GRK4: variants seen among roughly 807,000 people sequenced by gnomAD.
GRK4 encodes G protein-coupled receptor kinase 2-like.
In GRK4, 73 loss-of-function variants were observed where a neutral mutation model predicts 77.9. The observed-to-expected ratio is 0.94, with a 90% confidence interval of 0.78 to 1.14. The LOEUF (loss-of-function observed/expected upper bound fraction) is 1.14, where lower values mean the gene tolerates loss of function less well. Among genes scored for constraint, GRK4 ranks in the 50% most tolerant of loss-of-function variants. GRK4 has a pLI of 0.00. For synonymous variants in GRK4, 257 were observed against 254.4 expected (o/e 1.01, Z -0.10); for missense variants, 729 against 700.2 (o/e 1.04, Z -0.46).
intron 10 of GRK4, 79 bp from the exon 11 acceptor site, chr4:3,027,833 C>A (rs1232911048): frequency 2.7e-6 from 3 of 1,127,260 alleles, no homozygotes; most frequent in South Asian, 1.3e-5. Context: ...TTTTGAGGGG[C>A]CTTTTTTCCC....
intron 9 of GRK4, among the ~76,000 whole-genome samples, chr4:3,021,250 G>C (rs1735991906): frequency 6.6e-6 from 1 of 152,162 alleles, no homozygotes; most frequent in Non-Finnish European, 1.5e-5. Flanking sequence ...GTGTTCCTGT[G>C]TGGGTGCCAC....
intron 1 of GRK4, among the ~76,000 whole-genome samples, chr4:2,968,269 T>C (rs906960480): frequency 1.3e-5 from 2 of 152,206 alleles, no homozygotes; most frequent in African/African-American, 2.4e-5. Flanking sequence ...GAATACGTAA[T>C]ACGTGCATTT....
chr4:3,040,459 T>A (rs1742089679), intron 15 of GRK4, 113 bp from the exon 16 acceptor site: 3 of 699,332 alleles, frequency 4.3e-6, no homozygotes, highest in African/African-American at 1.8e-5. Context: ...AATAAATAAA[T>A]AAAAAATAAA....
At chr4:2,979,423 A>AAG (rs1553875560) in intron 1 of GRK4, among the ~76,000 whole-genome samples, 1 of 150,508 alleles carries the variant, frequency 6.6e-6, no homozygotes, top group Non-Finnish European at 1.5e-5. Flanking sequence ...AAAAAAAAAA[A>AAG]AAAGAGTGGC....
intron 1 of GRK4, among the ~76,000 whole-genome samples, chr4:2,964,944 GA>G (rs1221271466): frequency 2.4e-3 from 342 of 141,688 alleles, no homozygotes; most frequent in African/African-American, 7.3e-3. Context: ...CAGGGGTGAA[GA>G]AAAAAAAAAA....
rs559211736 is a variant in GRK4, at chr4:2,992,810, A to G, written c.339+518A>G. Among the ~76,000 whole-genome samples the G allele has an allele frequency of 5.3e-5, 8 of 151,530 alleles. No homozygotes were observed. The South Asian group carries it at 1.5e-3, about 28-fold the overall frequency. ...AACCTGGGCAATATGGCAAAACCGC[A>G]TTGCTACAAAAAAGAAAAAAAAAAT... is the stretch of plus-strand genomic sequence containing the variant. On this transcript the variant is annotated intron_variant, in intron 4 of 15. Transcript: ENST00000398052.
At chr4:2,995,407 G>A (rs906341932) in intron 4 of GRK4, among the ~76,000 whole-genome samples, 4 of 151,278 alleles carry the variant, frequency 2.6e-5, no homozygotes, top group South Asian at 4.2e-4. Context: ...TGTGGCTCAC[G>A]CCTGTAATCC....
chr4:2,976,214 C>T (rs1167702048), intron 1 of GRK4, among the ~76,000 whole-genome samples: 2 of 151,956 alleles, frequency 1.3e-5, no homozygotes, highest in East Asian at 3.9e-4. Flanking sequence ...TTCCCTCCCT[C>T]CTCCTTCCCT....
chr4:3,035,031 G>A (rs1224237662), intron 12 of GRK4, among the ~76,000 whole-genome samples: 1 of 152,072 alleles, frequency 6.6e-6, no homozygotes, highest in East Asian at 1.9e-4. Context: ...GTCGAGGCGG[G>A]TGGATCACGA....
intron 1 of GRK4, among the ~76,000 whole-genome samples, chr4:2,976,009 A>G (rs937655025): frequency 6.6e-6 from 1 of 152,178 alleles, no homozygotes; most frequent in Admixed American, 6.5e-5. Flanking sequence ...AGCCAGCATG[A>G]TAAGGAGGTC....
intron 1 of GRK4, among the ~76,000 whole-genome samples, chr4:2,978,297 T>TGGTC (rs1721798254): frequency 1.3e-5 from 2 of 152,214 alleles, no homozygotes; most frequent in Non-Finnish European, 2.9e-5. Context: ...TTAAGAATCT[T>TGGTC]TTAAAAACTT....
chr4:3,006,263 C>T (rs1731291379), intron 5 of GRK4, among the ~76,000 whole-genome samples: 1 of 151,612 alleles, frequency 6.6e-6, no homozygotes, highest in African/African-American at 2.4e-5. Context: ...CCTGTAATCC[C>T]AGCTACTCAG....
At chr4:3,001,584 CT>C (rs1036834181) in intron 4 of GRK4, among the ~76,000 whole-genome samples, 1 of 151,944 alleles carries the variant, frequency 6.6e-6, no homozygotes, top group Non-Finnish European at 1.5e-5. Context: ...TCAGGCTGGT[CT>C]CGAACTCCTG....
At chr4:3,018,611 T>C (rs1735201869) in intron 8 of GRK4, among the ~76,000 whole-genome samples, 1 of 152,186 alleles carries the variant, frequency 6.6e-6, no homozygotes, top group Admixed American at 6.5e-5. Flanking sequence ...GGCACTGTGG[T>C]TCACGCCCGT....
chr4:2,979,545 C>T (rs1578010387), intron 1 of GRK4, among the ~76,000 whole-genome samples: 2 of 152,144 alleles, frequency 1.3e-5, no homozygotes, highest in East Asian at 3.8e-4. Context: ...GAAACCCTGT[C>T]TCTACTAAAG....
At chr4:2,985,492 G>A (rs2960309) in intron 2 of GRK4, among the ~76,000 whole-genome samples, 6,018 of 151,448 alleles carry the variant, frequency 0.04, 170 homozygotes, top group African/African-American at 0.075. Context: ...GATCCCTTGA[G>A]CCCAAGAGGT....
intron 2 of GRK4, among the ~76,000 whole-genome samples, chr4:2,985,501 G>T (rs1233465284): frequency 6.6e-6 from 1 of 151,674 alleles, no homozygotes; most frequent in Admixed American, 6.6e-5. Flanking sequence ...AGCCCAAGAG[G>T]TTGAGTCTAG....
chr4:3,010,852 A>G (rs967938940), intron 7 of GRK4, among the ~76,000 whole-genome samples: 24 of 152,214 alleles, frequency 1.6e-4, no homozygotes, highest in African/African-American at 5.3e-4. Flanking sequence ...GAGGCAGCAC[A>G]CTGCACCTAT....
rs1220149136 is a variant in GRK4 at position 2,980,357 on chromosome 4, T to C, written c.53-4156T>C. On this transcript the variant is annotated intron_variant, in intron 1 of 15. Coordinates refer to ENST00000398052, the MANE Select transcript of GRK4 (RefSeq NM_182982.3). Reference sequence around the variant, plus strand: ...GACTTGTTTCCCTCATCATCCAAGATGGGAACCCGGGAACCAGTCTTCAGT... The same window carrying C: ...GACTTGTTTCCCTCATCATCCAAGACGGGAACCCGGGAACCAGTCTTCAGT... Among the ~76,000 whole-genome samples, 3 of 152,168 alleles carry C rather than the reference T, an allele frequency of 2.0e-5. No homozygotes were observed. The East Asian group carries it at 5.8e-4, about 29-fold the overall frequency.
Sources: allele counts gnomAD v4.1 joint callset (sites outside exome capture counted in the v4.1 genomes callset), GRCh38; gene constraint gnomAD v4.1.1; transcripts MANE v1.5; gene names NCBI Gene and HGNC (gene_info 2026-07-23, HGNC 2026-07-21).